The following APOC2 variants were observed in gnomAD, a reference collection of about 807,000 sequenced individuals.
APOC2 encodes apolipoprotein C-II.
In APOC2, 6 loss-of-function variants were observed where a neutral mutation model predicts 10.2. The observed-to-expected ratio is 0.59, with a 90% CI of 0.32 to 1.16. The LOEUF is 1.16. Among genes scored for constraint, APOC2 ranks in the 50% most tolerant of loss-of-function variants. The pLI is 0.05. For synonymous variants in APOC2, 56 were observed against 48.5 expected, an observed-to-expected ratio of 1.15 and a Z score of -0.64; for missense variants, 110 against 117.6, an observed-to-expected ratio of 0.94 and a Z score of 0.30.
At chr19:44,948,287 G>GA (rs1970343978) in intron 1 of APOC2, 179 bp from the exon 2 acceptor site, 1 of 629,738 alleles carries the variant, frequency 1.6e-6, no homozygotes, top group Non-Finnish European at 2.9e-6. Context: ...TAGAATCACA[G>GA]AATGTTGGAA....
chr19:44,948,919 C>T, intron 3 of APOC2, 59 bp downstream of exon 3: 7 of 1,603,108 alleles, frequency 4.4e-6, no homozygotes, highest in Non-Finnish European at 5.9e-6. Flanking sequence ...CATCCAGGAC[C>T]CAGAAGTTCA....
Position 44,949,520 on chromosome 19 carries a change from T to C in APOC2, c.*271T>C, listed in dbSNP as rs1970361426. 3 of 511,000 alleles carry C rather than the reference T, an allele frequency of 5.9e-6. No homozygotes were observed. In the South Asian group the frequency reaches 6.5e-5, roughly 11 times the overall value. 31.7% of individuals were successfully genotyped at this position (511,000 alleles called of 1,614,324 possible). A position where few individuals can be genotyped will look rare whatever the true frequency, so the allele number is the denominator to read the frequency against. ...TATGGAGCTCTAACCCATGGGTCCA[T>C]GGGAATAAAGCAGTGAATAGTAACA... On this transcript the variant is annotated 3_prime_UTR_variant, in exon 4 of 4. Transcript: ENST00000252490.
At chr19:44,946,213 G>GTA (rs1970318302) in intron 1 of APOC2, 138 bp downstream of exon 1, 1 of 118,806 alleles carries the variant, frequency 8.4e-6, no homozygotes, top group Non-Finnish European at 1.9e-5. Flanking sequence ...GTGTGTGTGT[G>GTA]TGTGTGTGTG....
rs750328283 is a variant in APOC2, at chr19:44,948,694, C to G, written c.56-7C>G. 7.4e-6 allele frequency: 12 copies of G among 1,613,952 alleles called. No homozygotes were observed. In the South Asian group the frequency reaches 9.9e-5, roughly 13 times the overall value. The stretch of plus-strand genomic sequence containing the variant: ...ACGGGCTCTCCTGACACACTCTCCC[C>G]CTGCAGAGGTCCAGGGGACCCAACA... On this transcript the variant is annotated splice_region_variant and splice_polypyrimidine_tract_variant and intron_variant, in intron 2 of 3. Coordinates refer to ENST00000252490, the MANE Select transcript of APOC2 (RefSeq NM_000483.5).
At chr19:44,948,946 C>T in intron 3 of APOC2, 86 bp downstream of exon 3, 1 of 1,574,338 alleles carries the variant, frequency 6.4e-7, no homozygotes, top group South Asian at 1.1e-5. Context: ...AGCCCCTCCT[C>T]CCTCAGACCC....
At chr19:44,948,923 A>T in intron 3 of APOC2, 63 bp downstream of exon 3, 4 of 1,600,928 alleles carry the variant, frequency 2.5e-6, no homozygotes, top group Non-Finnish European at 1.7e-6. Flanking sequence ...CAGGACCCAG[A>T]AGTTCAGGCC....
Position 44,948,833 on chromosome 19 carries a change from A to T in APOC2, c.188A>T (p.Tyr63Phe). 6.2e-7 allele frequency: 1 copy of T among 1,613,594 alleles called. No individual in the cohort carries two copies. The highest frequency in any genetic ancestry group is 2.2e-5 in the East Asian group (1 of 44,878). ...TAAQNLYEKT[Y>F]LPAVDEKLRD... ...GCCCAGAACCTGTACGAGAAGACAT[A>T]CCTGCCCGCTGTAGATGAGAAACTC... The change falls in exon 3 of 4, where the codon TAC becomes TTC. Residue 63 changes from tyrosine (Y) to phenylalanine (F), a missense_variant. By Grantham distance (22) the Tyr-to-Phe change is conservative (BLOSUM62 3). Coordinates refer to ENST00000252490, the MANE Select transcript of APOC2 (RefSeq NM_000483.5).
At chr19:44,948,436 C>G (rs1970346096) in intron 1 of APOC2, 30 bp from the exon 2 acceptor site, 3 of 1,598,462 alleles carry the variant, frequency 1.9e-6, no homozygotes, top group Admixed American at 1.7e-5. Context: ...TCCAGTCAGC[C>G]TGCCACATGA....
intron 1 of APOC2, among the ~76,000 whole-genome samples, chr19:44,946,807 G>A (rs527585098): frequency 1.6e-4 from 25 of 152,114 alleles, no homozygotes; most frequent in African/African-American, 5.3e-4. Context: ...GGGTGACAGA[G>A]CAAGACTCAG....
Position 44,949,533 on chromosome 19 carries a change from G to A in APOC2, c.*284G>A. 1 of 456,610 alleles carries A rather than the reference G, an allele frequency of 2.2e-6. No homozygotes were observed. The highest frequency in any genetic ancestry group is 4.0e-6 in the Non-Finnish European group (1 of 249,552). The allele number at this position is 456,610 out of a possible 1,614,324, so 28.3% of individuals were successfully genotyped here. ...CCCATGGGTCCATGGGAATAAAGCAGTGAATAGTAACAATAAATAATCGTA... is the reference window on the plus strand; with the variant it reads ...CCCATGGGTCCATGGGAATAAAGCAATGAATAGTAACAATAAATAATCGTA... On this transcript the variant is annotated 3_prime_UTR_variant, in exon 4 of 4. Transcript: ENST00000252490.
chr19:44,949,549 A>C lies in APOC2; in HGVS notation c.*300A>C, dbSNP rs938180842. On this transcript the variant is annotated 3_prime_UTR_variant, in exon 4 of 4. Transcript: ENST00000252490. Reference sequence around the variant, plus strand: ...AATAAAGCAGTGAATAGTAACAATAAATAATCGTAACAGCAATTAGAGACT... The same window carrying C: ...AATAAAGCAGTGAATAGTAACAATACATAATCGTAACAGCAATTAGAGACT... 4 of 396,362 alleles carry C rather than the reference A, an allele frequency of 1.0e-5. No individual in the cohort carries two copies. The highest frequency in any genetic ancestry group is 8.1e-5 in the African/African-American group (4 of 49,268). The allele number at this position is 396,362 out of a possible 1,614,324, so 24.6% of individuals were successfully genotyped here.
rs775692039 is a variant in APOC2, at chr19:44,949,192, C to A, written c.249C>A (p.Ser83Arg). The stretch of plus-strand genomic sequence containing the variant: ...ACAGCAAAAGCACAGCAGCCATGAG[C>A]ACTTACACAGGCATTTTTACTGACC... Reference protein sequence around the residue: ...DLYSKSTAAMSTYTGIFTDQV... With the variant: ...DLYSKSTAAMRTYTGIFTDQV... Residue 83 changes from serine (S) to arginine (R), a missense_variant, in exon 4 of 4, where the codon AGC becomes AGA. Physicochemically the swap from Ser to Arg is moderately radical, Grantham distance 110 (BLOSUM62 -1). Coordinates refer to ENST00000252490, the MANE Select transcript of APOC2 (RefSeq NM_000483.5). 6.2e-7 allele frequency: 1 copy of A among 1,614,094 alleles called. No homozygotes were observed. The highest frequency in any genetic ancestry group is 1.1e-5 in the South Asian group (1 of 91,056).
Position 44,949,275 on chromosome 19 carries a change from A to T in APOC2, c.*26A>T, listed in dbSNP as rs201331307. The T allele has an allele frequency of 4.6e-5, 74 of 1,597,754 alleles. No individual in the cohort carries two copies. In the East Asian group the frequency reaches 1.2e-3, roughly 25 times the overall value. ...CAGCCAGACCCCCCATCAGTGGACA[A>T]GGGGAGAGTCCCCTACTCCCCTGAT... is the stretch of plus-strand genomic sequence containing the variant. On this transcript the variant is annotated 3_prime_UTR_variant, in exon 4 of 4. Coordinates refer to ENST00000252490, the MANE Select transcript of APOC2 (RefSeq NM_000483.5).
chr19:44,948,443 A>G (rs1211689905), intron 1 of APOC2, 23 bp from the exon 2 acceptor site: 1 of 1,608,140 alleles, frequency 6.2e-7, no homozygotes, highest in Non-Finnish European at 8.5e-7. Context: ...AGCCTGCCAC[A>G]TGACACCCCC....
rs1363103560 is a variant in APOC2, at chr19:44,949,482, C to G, written c.*233C>G. The G allele has an allele frequency of 3.5e-6, 2 of 576,458 alleles. No individual in the cohort carries two copies. Among genetic ancestry groups the G allele is most frequent in the African/African-American group, 3.7e-5 (2 of 53,346 alleles). 35.7% of individuals were successfully genotyped at this position (576,458 alleles called of 1,614,324 possible). A position where few individuals can be genotyped will look rare whatever the true frequency, so the allele number is the denominator to read the frequency against. ...CTCAGTCCAGCCAACATTTAATGAG[C>G]ACCTACTTTATGTATGGAGCTCTAA... On this transcript the variant is annotated 3_prime_UTR_variant, in exon 4 of 4. Transcript: ENST00000252490.
At chr19:44,946,191 C>CTGTGTGTGTGTGTGTGTGTGTGTG (rs71338739) in intron 1 of APOC2, 116 bp downstream of exon 1, 14 of 134,046 alleles carry the variant, frequency 1.0e-4, no homozygotes, top group African/African-American at 4.2e-4. Context: ...GGAACCATGA[C>CTGTGTGTGTGTGTGTGTGTGTGTG]TGTGTGTGTG....
chr19:44,949,424 C>T lies in APOC2; in HGVS notation c.*175C>T. Reference sequence around the variant, plus strand: ...GCTTCTCATGGATGGCACTGCTTTTCTGAGGACTCAAGGGCCAAGATGGAG... The same window carrying T: ...GCTTCTCATGGATGGCACTGCTTTTTTGAGGACTCAAGGGCCAAGATGGAG... On this transcript the variant is annotated 3_prime_UTR_variant, in exon 4 of 4. Transcript: ENST00000252490. 1 of 640,464 alleles carries T rather than the reference C, an allele frequency of 1.6e-6. No individual in the cohort carries two copies. Among genetic ancestry groups the T allele is most frequent in the Non-Finnish European group, 2.8e-6 (1 of 358,282 alleles). 39.7% of individuals were successfully genotyped at this position (640,464 alleles called of 1,614,324 possible).
At chr19:44,947,523 A>G (rs578173884) in intron 1 of APOC2, among the ~76,000 whole-genome samples, 81 of 152,320 alleles carry the variant, frequency 5.3e-4, no homozygotes, top group Non-Finnish European at 8.4e-4. Flanking sequence ...GGCTGGGCTC[A>G]GTGGCTCACA....
intron 1 of APOC2, among the ~76,000 whole-genome samples, chr19:44,947,660 A>ATGG (rs562093197): frequency 0.011 from 1,675 of 152,280 alleles, 26 homozygotes; most frequent in African/African-American, 0.035. Context: ...GCAGCTGGGC[A>ATGG]TGGTGGCTCA....
Sources: allele counts gnomAD v4.1 joint callset (sites outside exome capture counted in the v4.1 genomes callset), GRCh38; gene constraint gnomAD v4.1.1; transcripts MANE v1.5; gene names NCBI Gene and HGNC (gene_info 2026-07-23, HGNC 2026-07-21).